The following PIEZO2 variants were observed in gnomAD, a reference collection of about 807,000 sequenced individuals.
PIEZO2 encodes piezo type mechanosensitive ion channel component 2, also known as piezo-type mechanosensitive ion channel component 2.
A neutral mutation model predicts 337.3 loss-of-function variants in PIEZO2; 172 were observed. The ratio of observed to expected loss-of-function variants is 0.51; its 90% CI spans 0.45 to 0.58. The LOEUF is 0.58. PIEZO2 is among the 20% of genes least tolerant of loss of function. The pLI is 0.00. For missense variants in PIEZO2, 3,028 were observed against 3,391.3 expected, an observed-to-expected ratio of 0.89 and a Z score of 2.66; for synonymous variants, 1,251 against 1,228.5, an observed-to-expected ratio of 1.02 and a Z score of -0.38.
chr18:11,023,930 G>C (rs1033236286), intron 2 of PIEZO2, among the ~76,000 whole-genome samples: 1 of 152,210 alleles, frequency 6.6e-6, no homozygotes, highest in African/African-American at 2.4e-5. Flanking sequence ...AGGACTGGCC[G>C]GCCGTTCTGA....
chr18:11,133,676 C>T (rs1370411338), intron 1 of PIEZO2, among the ~76,000 whole-genome samples: 1 of 152,056 alleles, frequency 6.6e-6, no homozygotes, highest in African/African-American at 2.4e-5. Flanking sequence ...CCTCAAATAT[C>T]AGACTCCAAG....
At chr18:10,725,374 T>C (rs558174885) in intron 36 of PIEZO2, 9 of 1,606,170 alleles carry the variant, frequency 5.6e-6, no homozygotes, top group South Asian at 1.1e-5. Flanking sequence ...GCGGTGATGA[T>C]GGTGGAGAAC....
At chr18:10,708,661 G>C (rs1598384509) in intron 39 of PIEZO2, among the ~76,000 whole-genome samples, 1 of 152,144 alleles carries the variant, frequency 6.6e-6, no homozygotes. Flanking sequence ...ATATTGGCTA[G>C]TGACACATTA....
At chr18:10,869,888 T>C (rs889604923) in intron 5 of PIEZO2, among the ~76,000 whole-genome samples, 4 of 152,120 alleles carry the variant, frequency 2.6e-5, no homozygotes, top group Admixed American at 2.0e-4. Flanking sequence ...AATGTATATA[T>C]TTTTTAAGAC....
rs1238401527 is a variant in PIEZO2 at position 10,855,015 on chromosome 18, A to G, written c.917+338T>C. Among the ~76,000 whole-genome samples, 1 of 152,142 alleles carries G rather than the reference A, an allele frequency of 6.6e-6. No individual in the cohort carries two copies. The highest frequency in any genetic ancestry group is 1.5e-5 in the Non-Finnish European group (1 of 68,030). On this transcript the variant is annotated intron_variant, in intron 7 of 55. Transcript: ENST00000674853. The surrounding 1 kb of genome is among the most constrained non-coding windows in gnomAD (Gnocchi z 4.9). The stretch of plus-strand genomic sequence containing the variant: ...GCCCATGAAACGCCTTTCTAGCTGG[A>G]TGCTGTGGCACATCCTTATTGTTCT...
At position 10,926,543 on chromosome 18, in the gene PIEZO2, TC is replaced by T. The variant is rs527760712; in HGVS notation, c.287-15316del. Reference sequence around the variant, plus strand: ...ACAGAAAAAAGCAGTTCACAGTGACTCCACCTAGGTAGCCCCCTCAACAATC... The same window carrying T: ...ACAGAAAAAAGCAGTTCACAGTGACTCACCTAGGTAGCCCCCTCAACAATC... On this transcript the variant is annotated intron_variant, in intron 3 of 55. Coordinates refer to ENST00000674853, the MANE Select transcript of PIEZO2 (RefSeq NM_001378183.1). Among the ~76,000 whole-genome samples, 10 of 152,284 alleles carry T rather than the reference TC, an allele frequency of 6.6e-5. No individual in the cohort carries two copies. The South Asian group carries it at 2.1e-3, about 32-fold the overall frequency.
In PIEZO2 at chr18:11,110,969, C is replaced by T. The variant is rs1304651637; in HGVS notation, c.64+37556G>A. 6.6e-6 allele frequency among the ~76,000 whole-genome samples: 1 copy of T among 152,210 alleles called. No individual in the cohort carries two copies. The highest frequency in any genetic ancestry group is 1.5e-5 in the Non-Finnish European group (1 of 68,040). On this transcript the variant is annotated intron_variant, in intron 1 of 55. Transcript: ENST00000674853. The surrounding 1 kb of genome is among the most constrained non-coding windows in gnomAD (Gnocchi z 4.2). ...CCATGTGGTCTGCGTCAGAGTCCAC[C>T]ATGAGAGCCACTGCAGGGCTTCGGA...
At chr18:11,100,534 G>A (rs539102905) in intron 1 of PIEZO2, among the ~76,000 whole-genome samples, 5 of 152,262 alleles carry the variant, frequency 3.3e-5, no homozygotes, top group African/African-American at 1.2e-4. Context: ...CATGCCAAAA[G>A]GTGTTTCCTT....
intron 2 of PIEZO2, among the ~76,000 whole-genome samples, chr18:11,024,557 A>G (rs1052548957): frequency 1.2e-4 from 18 of 151,556 alleles, no homozygotes; most frequent in East Asian, 1.2e-3. Context: ...GAAAAAAAAA[A>G]AAAAAAGAAA....
At chr18:10,679,567 C>CTTGA (rs1184922695) in intron 52 of PIEZO2, among the ~76,000 whole-genome samples, 2 of 152,132 alleles carry the variant, frequency 1.3e-5, no homozygotes, top group Non-Finnish European at 2.9e-5. Context: ...TTTCAAATCA[C>CTTGA]TTGATGCTCT....
intron 3 of PIEZO2, among the ~76,000 whole-genome samples, chr18:10,956,787 G>A (rs2033545575): frequency 6.6e-6 from 1 of 151,714 alleles, no homozygotes; most frequent in Non-Finnish European, 1.5e-5. Context: ...CCTGGCCATG[G>A]TGAAACCCTG....
intron 7 of PIEZO2, among the ~76,000 whole-genome samples, chr18:10,849,734 G>C (rs12458566): frequency 0.028 from 4,335 of 152,306 alleles, 82 homozygotes; most frequent in Middle Eastern, 0.078. Context: ...AGTGTTTGCT[G>C]TCTACTGAAA....
intron 42 of PIEZO2, among the ~76,000 whole-genome samples, chr18:10,703,090 G>A (rs1233454566): frequency 4.6e-5 from 7 of 152,182 alleles, no homozygotes; most frequent in Admixed American, 4.6e-4. Flanking sequence ...CTGACCTCAA[G>A]TGATCCTCCT....
chr18:10,946,837 C>A lies in PIEZO2; in HGVS notation c.286+32698G>T, dbSNP rs115764854. ...TAAAAATCACTCATCCTAACTAGAA[C>A]AAGGAAAATTATAACTTGAGTAAGA... On this transcript the variant is annotated intron_variant, in intron 3 of 55. Coordinates refer to ENST00000674853, the MANE Select transcript of PIEZO2 (RefSeq NM_001378183.1). Among the ~76,000 whole-genome samples the A allele has an allele frequency of 9.9e-3, 1,509 of 152,146 alleles. 29 individuals are homozygous for A. Among genetic ancestry groups the A allele is most frequent in the African/African-American group, 0.034 (1,410 of 41,504 alleles).
intron 3 of PIEZO2, among the ~76,000 whole-genome samples, chr18:10,970,949 C>A (rs1393102557): frequency 6.6e-6 from 1 of 152,168 alleles, no homozygotes; most frequent in Non-Finnish European, 1.5e-5. Context: ...TGTTTCAGGT[C>A]AGAAAAGCTC....
rs1378518500 is a variant in PIEZO2 at position 11,143,489 on chromosome 18, T to C, written c.64+5036A>G. Among the ~76,000 whole-genome samples the C allele has an allele frequency of 6.6e-6, 1 of 152,150 alleles. No individual in the cohort carries two copies. Among genetic ancestry groups the C allele is most frequent in the Non-Finnish European group, 1.5e-5 (1 of 68,040 alleles). The stretch of plus-strand genomic sequence containing the variant: ...CAGTATTGATCTAGTGAGAACAATA[T>C]GTAATTGTTCTAAATATTGTTTTTA... On this transcript the variant is annotated intron_variant, in intron 1 of 55. Coordinates refer to ENST00000674853, the MANE Select transcript of PIEZO2 (RefSeq NM_001378183.1). This position sits in a 1 kb window ranked among gnomAD's most constrained non-coding sequence, Gnocchi z 4.9.
intron 30 of PIEZO2, among the ~76,000 whole-genome samples, chr18:10,747,161 A>G (rs17487922): frequency 0.015 from 2,263 of 152,332 alleles, 27 homozygotes; most frequent in Non-Finnish European, 0.019. Context: ...TTCTTACTAT[A>G]ACATGATGGG....
intron 7 of PIEZO2, among the ~76,000 whole-genome samples, chr18:10,848,691 A>G (rs2041441503): frequency 6.6e-6 from 1 of 152,252 alleles, no homozygotes. Context: ...GGAATGATCT[A>G]GAGAAAGTTC....
chr18:10,966,174 T>A (rs1400653910), intron 3 of PIEZO2, among the ~76,000 whole-genome samples: 1 of 152,146 alleles, frequency 6.6e-6, no homozygotes, highest in Admixed American at 6.5e-5. Flanking sequence ...TTCAGGAAGG[T>A]ATAGTCCTTC....
Sources: gnomAD v4.1 joint callset for allele counts (sites outside exome capture counted in the v4.1 genomes callset) on GRCh38, gnomAD v4.1.1 for gene constraint, Gnocchi (gnomAD v3.1) non-coding constraint, MANE v1.5 for transcripts, NCBI Gene and HGNC (gene_info 2026-07-23, HGNC 2026-07-21) for gene names.